Variants in GNAO1 observed in about 807,000 individuals in gnomAD.
The protein encoded by GNAO1 is G protein subunit alpha o1, also known as guanine nucleotide-binding protein G(o) subunit alpha.
For synonymous variants in GNAO1, 164 were observed against 180.7 expected, an observed-to-expected ratio of 0.91 and a Z score of 0.74; for missense variants, 166 against 478.7, an observed-to-expected ratio of 0.35 and a Z score of 6.10.
chr16:56,336,929 T>G (rs1445828654), intron 6 of GNAO1, 69 bp downstream of exon 6: 2 of 1,476,390 alleles, frequency 1.4e-6, no homozygotes, highest in Non-Finnish European at 1.8e-6. Flanking sequence ...GCCAGCCCTC[T>G]GAGCACTGGG....
chr16:56,211,769 C>T (rs781773733), intron 2 of GNAO1, among the ~76,000 whole-genome samples: 1 of 152,220 alleles, frequency 6.6e-6, no homozygotes, highest in Non-Finnish European at 1.5e-5. Context: ...AGCACCCCCT[C>T]CCGCTTCTCG....
intron 2 of GNAO1, among the ~76,000 whole-genome samples, chr16:56,200,820 A>G (rs1174096175): frequency 2.0e-5 from 3 of 152,156 alleles, no homozygotes; most frequent in Non-Finnish European, 4.4e-5. Flanking sequence ...ATTGATTTGG[A>G]TACCAGAGTA....
At chr16:56,275,853 G>C in intron 2 of GNAO1, 78 bp from the exon 3 acceptor site, 1 of 1,284,106 alleles carries the variant, frequency 7.8e-7, no homozygotes, top group Non-Finnish European at 1.0e-6. Flanking sequence ...CAGTCAGCCA[G>C]TGCGTCTCAT....
chr16:56,272,977 A>G (rs1596834959), intron 2 of GNAO1, among the ~76,000 whole-genome samples: 1 of 152,112 alleles, frequency 6.6e-6, no homozygotes, highest in Admixed American at 6.5e-5. Context: ...AAAGGGTCCC[A>G]CCCTCTTAGG....
rs59081263 is a variant in GNAO1, at chr16:56,330,654, G to A, written c.464+1863G>A. Reference sequence around the variant, plus strand: ...ATTTACTGCCACCCACTCTGGAATCGAGGGAGCTCAGCTCACCTTCCTTCC... The same window carrying A: ...ATTTACTGCCACCCACTCTGGAATCAAGGGAGCTCAGCTCACCTTCCTTCC... On this transcript the variant is annotated intron_variant, in intron 4 of 8. Coordinates refer to ENST00000262493, the MANE Select transcript of GNAO1 (RefSeq NM_020988.3). Among the ~76,000 whole-genome samples the A allele has an allele frequency of 1.1e-3, 173 of 152,260 alleles. 1 individual carries two copies. Among genetic ancestry groups the A allele is most frequent in the African/African-American group, 3.2e-3 (131 of 41,538 alleles).
intron 2 of GNAO1, among the ~76,000 whole-genome samples, chr16:56,211,727 C>T (rs1291613218): frequency 6.6e-6 from 1 of 152,154 alleles, no homozygotes; most frequent in Admixed American, 6.5e-5. Context: ...TATACAGTGG[C>T]CTAGAGAGAA....
At chr16:56,201,730 A>C (rs1373476329) in intron 2 of GNAO1, among the ~76,000 whole-genome samples, 3 of 152,206 alleles carry the variant, frequency 2.0e-5, no homozygotes, top group African/African-American at 7.2e-5. Context: ...ATTGAGGAGG[A>C]GATAAATTTT....
At chr16:56,254,730 G>A (rs193186570) in intron 2 of GNAO1, among the ~76,000 whole-genome samples, 53 of 151,864 alleles carry the variant, frequency 3.5e-4, no homozygotes, top group African/African-American at 1.3e-3. Flanking sequence ...TCTTTCTGTC[G>A]TATTTTGTTT....
intron 2 of GNAO1, chr16:56,270,978 C>T (rs1453640940): frequency 6.6e-6 from 1 of 152,252 alleles, no homozygotes; most frequent in Admixed American, 6.5e-5. Context: ...TGGAGCCTCG[C>T]TCCTGATTTC....
At chr16:56,227,687 C>CA (rs386384777) in intron 2 of GNAO1, among the ~76,000 whole-genome samples, 1,450 of 61,734 alleles carry the variant, frequency 0.023, 84 homozygotes, top group African/African-American at 0.033. Flanking sequence ...GACCCTGTCT[C>CA]AAAAAAAAAA....
chr16:56,192,464 C>T lies in GNAO1; in HGVS notation c.119-110C>T. 3.2e-6 allele frequency: 3 copies of T among 928,200 alleles called. No homozygotes were observed. The South Asian group carries it at 4.0e-5, about 13-fold the overall frequency. 57.5% of individuals were successfully genotyped at this position (928,200 alleles called of 1,614,324 possible). A position where few individuals can be genotyped will look rare whatever the true frequency, so the allele number is the denominator to read the frequency against. ...GGGAGACCTGGTCCCCAAGTTGGCA[C>T]CACCATGTGCCCAGGATCGCCCACC... On this transcript the variant is annotated intron_variant, in intron 1 of 8. Coordinates refer to ENST00000262493, the MANE Select transcript of GNAO1 (RefSeq NM_020988.3).
chr16:56,253,239 T>A (rs2036816080), intron 2 of GNAO1, among the ~76,000 whole-genome samples: 1 of 152,120 alleles, frequency 6.6e-6, no homozygotes, highest in Admixed American at 6.5e-5. Context: ...CGTTCCTCCA[T>A]CTCACCCGCA....
chr16:56,289,292 GC>G (rs1320069489), intron 3 of GNAO1, among the ~76,000 whole-genome samples: 2 of 152,178 alleles, frequency 1.3e-5, no homozygotes, highest in African/African-American at 4.8e-5. Context: ...CAAGTTTGGA[GC>G]CGGGACCTCT....
At chr16:56,227,862 G>C (rs1302651644) in intron 2 of GNAO1, among the ~76,000 whole-genome samples, 1 of 151,970 alleles carries the variant, frequency 6.6e-6, no homozygotes, top group East Asian at 1.9e-4. Context: ...TGGCCTTCTT[G>C]CTGGTGATAT....
At chr16:56,276,107 G>A in intron 3 of GNAO1, 35 bp downstream of exon 3, 1 of 1,590,618 alleles carries the variant, frequency 6.3e-7, no homozygotes, top group Non-Finnish European at 8.6e-7. Flanking sequence ...AGCAACAAGA[G>A]GTTCTGTCTG....
intron 2 of GNAO1, among the ~76,000 whole-genome samples, chr16:56,241,636 T>C (rs11643221): frequency 0.085 from 13,003 of 152,214 alleles, 602 homozygotes; most frequent in African/African-American, 0.11. Context: ...TTGTTTGCAG[T>C]GTATAGAATT....
In GNAO1 at chr16:56,192,233, A is replaced by G. The variant is rs916381009; in HGVS notation, c.-3A>G. On this transcript the variant is annotated 5_prime_UTR_variant, in exon 1 of 9. Coordinates refer to ENST00000262493, the MANE Select transcript of GNAO1 (RefSeq NM_020988.3). ...TGCGGGCTGTGGCAGGGAAGGGGCC[A>G]CCATGGGATGTACTCTGAGCGCAGA... The G allele has an allele frequency of 1.2e-5, 19 of 1,545,366 alleles. No homozygotes were observed. The highest frequency in any genetic ancestry group is 1.7e-5 in the Non-Finnish European group (19 of 1,126,470).
chr16:56,261,654 G>A (rs1371340975), intron 2 of GNAO1, among the ~76,000 whole-genome samples: 1 of 152,090 alleles, frequency 6.6e-6, no homozygotes, highest in Non-Finnish European at 1.5e-5. Flanking sequence ...AGTCCTTTGG[G>A]ATCAGCTGAT....
intron 2 of GNAO1, among the ~76,000 whole-genome samples, chr16:56,221,651 C>T (rs1190968079): frequency 1.2e-5 from 1 of 83,858 alleles, no homozygotes; most frequent in Non-Finnish European, 2.4e-5. Context: ...GACTGCATCT[C>T]AAAAAAAAAA....
Sources: allele counts gnomAD v4.1 joint callset (sites outside exome capture counted in the v4.1 genomes callset), GRCh38; gene constraint gnomAD v4.1.1; transcripts MANE v1.5; gene names NCBI Gene and HGNC (gene_info 2026-07-23, HGNC 2026-07-21).